TBC1D22A: variants seen among roughly 807,000 people sequenced by gnomAD.
The protein encoded by TBC1D22A is putative GTPase activator.
Under a neutral mutation model 60.2 loss-of-function variants are expected in TBC1D22A, and 38 were observed. The observed-to-expected ratio is 0.63, with a 90% confidence interval of 0.49 to 0.83. The LOEUF is 0.83. TBC1D22A is among the 40% of genes least tolerant of loss of function. The probability of loss-of-function intolerance (pLI) is 0.00; values close to 1 mark genes in which losing one functional copy is unlikely to be tolerated. For missense variants in TBC1D22A, 628 were observed against 701.0 expected, an observed-to-expected ratio of 0.90 and a Z score of 1.18; for synonymous variants, 302 against 281.7, an observed-to-expected ratio of 1.07 and a Z score of -0.72.
rs75138667 is a variant in TBC1D22A at position 46,841,745 on chromosome 22, A to G, written c.638-36908A>G. Among the ~76,000 whole-genome samples the G allele has an allele frequency of 8.7e-3, 1,318 of 152,328 alleles. 23 individuals are homozygous for G. Among genetic ancestry groups the G allele is most frequent in the African/African-American group, 0.03 (1,258 of 41,560 alleles). ...TAAACTTTCGTTTATACGATGAATC[A>G]GTTCTAGGGATCTCATGTACAGCAT... On this transcript the variant is annotated intron_variant, in intron 4 of 12. Coordinates refer to ENST00000337137, the MANE Select transcript of TBC1D22A (RefSeq NM_014346.5).
chr22:46,984,224 G>A (rs1011051974), intron 9 of TBC1D22A, among the ~76,000 whole-genome samples: 5 of 151,504 alleles, frequency 3.3e-5, no homozygotes, highest in South Asian at 2.1e-4. Context: ...AAAATTAGCC[G>A]GGCATGGTGG....
chr22:46,947,961 C>T (rs1024725917), intron 8 of TBC1D22A, among the ~76,000 whole-genome samples: 15 of 152,190 alleles, frequency 9.9e-5, no homozygotes, highest in South Asian at 4.1e-4. Flanking sequence ...CCTGCCCTCA[C>T]CTGATAAACT....
In TBC1D22A at chr22:47,172,886, G is replaced by A. The variant is rs577413659; in HGVS notation, c.1426-612G>A. Reference sequence around the variant, plus strand: ...CGCTTTGCTGTGCTCCTGGGCTCCCGGGGTGGGCCTGAGCCGGCTCCGTTC... The same window carrying A: ...CGCTTTGCTGTGCTCCTGGGCTCCCAGGGTGGGCCTGAGCCGGCTCCGTTC... On this transcript the variant is annotated intron_variant, in intron 12 of 12. Coordinates refer to ENST00000337137, the MANE Select transcript of TBC1D22A (RefSeq NM_014346.5). 9.2e-5 allele frequency among the ~76,000 whole-genome samples: 14 copies of A among 152,346 alleles called. No individual in the cohort carries two copies. The South Asian group carries it at 2.5e-3, about 27-fold the overall frequency.
chr22:46,982,656 G>A (rs1012323938), intron 9 of TBC1D22A, among the ~76,000 whole-genome samples: 6 of 152,214 alleles, frequency 3.9e-5, no homozygotes, highest in South Asian at 4.1e-4. Flanking sequence ...CTGGCCTACC[G>A]GTCGTGTGAA....
At chr22:46,854,891 G>A (rs1177350318) in intron 4 of TBC1D22A, among the ~76,000 whole-genome samples, 1 of 152,206 alleles carries the variant, frequency 6.6e-6, no homozygotes, top group African/African-American at 2.4e-5. Flanking sequence ...CCGGCTCATT[G>A]TTAATCTCTG....
intron 8 of TBC1D22A, among the ~76,000 whole-genome samples, chr22:46,920,712 T>G (rs2070703337): frequency 1.3e-5 from 2 of 152,226 alleles, no homozygotes; most frequent in South Asian, 4.1e-4. Flanking sequence ...TTATTAGTAT[T>G]TGTTTAAACA....
At chr22:47,058,342 G>C (rs2063464351) in intron 11 of TBC1D22A, among the ~76,000 whole-genome samples, 1 of 152,062 alleles carries the variant, frequency 6.6e-6, no homozygotes, top group Admixed American at 6.5e-5. Flanking sequence ...CTGCCCCCCA[G>C]CTTATGATTC....
intron 1 of TBC1D22A, among the ~76,000 whole-genome samples, chr22:46,791,040 T>C (rs183640184): frequency 1.3e-5 from 2 of 152,044 alleles, no homozygotes; most frequent in African/African-American, 4.8e-5. Flanking sequence ...ATCCGGCCAT[T>C]TTTTTGTAAT....
At chr22:46,809,352 G>A (rs1601953634) in intron 4 of TBC1D22A, among the ~76,000 whole-genome samples, 1 of 152,150 alleles carries the variant, frequency 6.6e-6, no homozygotes, top group East Asian at 1.9e-4. Flanking sequence ...GTGGCTCAGG[G>A]CCCCACCCTC....
At chr22:47,019,137 G>T (rs947335969) in intron 10 of TBC1D22A, among the ~76,000 whole-genome samples, 5 of 152,236 alleles carry the variant, frequency 3.3e-5, no homozygotes, top group Admixed American at 6.5e-5. Flanking sequence ...CACAGGGAGG[G>T]AGCACGGAGC....
intron 1 of TBC1D22A, among the ~76,000 whole-genome samples, chr22:46,778,910 G>A (rs918850387): frequency 6.6e-6 from 1 of 152,120 alleles, no homozygotes; most frequent in Non-Finnish European, 1.5e-5. Context: ...CGGGCGTGGT[G>A]GTGGGCACCT....
intron 11 of TBC1D22A, among the ~76,000 whole-genome samples, chr22:47,089,516 C>T (rs1231735702): frequency 6.6e-6 from 1 of 152,214 alleles, no homozygotes; most frequent in African/African-American, 2.4e-5. Context: ...TACACACAGT[C>T]CATGCACACA....
At chr22:47,094,526 C>T (rs973739975) in intron 11 of TBC1D22A, among the ~76,000 whole-genome samples, 7 of 152,312 alleles carry the variant, frequency 4.6e-5, no homozygotes, top group East Asian at 1.9e-4. Flanking sequence ...ATTTTGTTCT[C>T]ATCAAGCCTC....
intron 11 of TBC1D22A, among the ~76,000 whole-genome samples, chr22:47,086,896 A>G (rs1041469152): frequency 3.9e-5 from 6 of 152,244 alleles, no homozygotes; most frequent in African/African-American, 1.4e-4. Flanking sequence ...TGCTGTATCT[A>G]CAGGCCTGTT....
intron 12 of TBC1D22A, among the ~76,000 whole-genome samples, chr22:47,155,039 G>A (rs1310601608): frequency 6.6e-6 from 1 of 152,150 alleles, no homozygotes; most frequent in South Asian, 2.1e-4. Flanking sequence ...AAGTCTTCAC[G>A]GGCTGAAAAA....
At chr22:46,942,581 C>G (rs2072239032) in intron 8 of TBC1D22A, among the ~76,000 whole-genome samples, 1 of 152,152 alleles carries the variant, frequency 6.6e-6, no homozygotes, top group Admixed American at 6.5e-5. Flanking sequence ...AAAGTGCCTG[C>G]GAATCCCTTC....
chr22:47,151,921 C>T (rs775525429), intron 12 of TBC1D22A, among the ~76,000 whole-genome samples: 4 of 152,178 alleles, frequency 2.6e-5, no homozygotes, highest in Admixed American at 6.5e-5. Flanking sequence ...GCAATGTCAC[C>T]TCTGGGGTCT....
intron 8 of TBC1D22A, among the ~76,000 whole-genome samples, chr22:46,928,901 ATAACAACTTAACAG>A (rs1334480797): frequency 6.6e-6 from 1 of 152,204 alleles, no homozygotes; most frequent in Non-Finnish European, 1.5e-5. Flanking sequence ...AAGATGAACA[ATAACAACTTAACAG>A]TTACAAATGC....
At chr22:46,770,515 G>A (rs2083446825) in intron 1 of TBC1D22A, among the ~76,000 whole-genome samples, 1 of 152,238 alleles carries the variant, frequency 6.6e-6, no homozygotes, top group Admixed American at 6.5e-5. Flanking sequence ...GTCTGACAGG[G>A]AATGGCAGGT....
Sources: gnomAD v4.1 joint callset for allele counts (sites outside exome capture counted in the v4.1 genomes callset) on GRCh38, gnomAD v4.1.1 for gene constraint, MANE v1.5 for transcripts, NCBI Gene and HGNC (gene_info 2026-07-23, HGNC 2026-07-21) for gene names.